HS6ST3: variants seen among roughly 807,000 people sequenced by gnomAD.
HS6ST3 encodes heparan-sulfate 6-O-sulfotransferase 3.
A neutral mutation model predicts 36.7 loss-of-function variants in HS6ST3; 12 were observed. That is an observed-to-expected ratio of 0.33 (90% CI 0.21 to 0.53). The LOEUF (loss-of-function observed/expected upper bound fraction) is 0.53, where lower values mean the gene tolerates loss of function less well. HS6ST3 is among the 20% of genes least tolerant of loss of function. HS6ST3 has a pLI of 0.95. For synonymous variants in HS6ST3, 240 were observed against 257.5 expected (o/e 0.93, Z 0.65); for missense variants, 584 against 640.9 (o/e 0.91, Z 0.96).
At chr13:96,527,985 A>G (rs964194555) in intron 1 of HS6ST3, among the ~76,000 whole-genome samples, 2 of 152,146 alleles carry the variant, frequency 1.3e-5, no homozygotes, top group South Asian at 2.1e-4. Flanking sequence ...TGTAGTCCCT[A>G]TATTCTCATT....
intron 1 of HS6ST3, among the ~76,000 whole-genome samples, chr13:96,620,965 G>C (rs2056492790): frequency 6.6e-6 from 1 of 152,154 alleles, no homozygotes; most frequent in Admixed American, 6.5e-5. Flanking sequence ...TGAAAATACA[G>C]CCAAGGAGCT....
chr13:96,236,861 G>C (rs1378759086), intron 1 of HS6ST3, among the ~76,000 whole-genome samples: 1 of 152,096 alleles, frequency 6.6e-6, no homozygotes, highest in Admixed American at 6.6e-5. Context: ...CTGTCAGCTG[G>C]TGTATTACTC....
intron 1 of HS6ST3, among the ~76,000 whole-genome samples, chr13:96,416,822 G>A (rs1391093957): frequency 1.3e-5 from 2 of 149,310 alleles, no homozygotes; most frequent in African/African-American, 2.5e-5. Context: ...GCACGATCTC[G>A]GCTCACTGCA....
Position 96,417,732 on chromosome 13 carries a change from TCACA to T in HS6ST3, c.707+326188_707+326191del, listed in dbSNP as rs1211935095. 1.3e-3 allele frequency among the ~76,000 whole-genome samples: 179 copies of T among 137,300 alleles called. 3 individuals are homozygous for T. Among genetic ancestry groups the T allele is most frequent in the East Asian group, 1.5e-3 (7 of 4,532 alleles). The allele number at this position is 137,300 out of a possible 152,430, so 90.1% of individuals were successfully genotyped here. On this transcript the variant is annotated intron_variant, in intron 1 of 1. Coordinates refer to ENST00000376705, the MANE Select transcript of HS6ST3 (RefSeq NM_153456.4). ...TACGTATCTGTATATATAGCTTATT[TCACA>T]CACACACACACACACACACACACAT...
intron 1 of HS6ST3, among the ~76,000 whole-genome samples, chr13:96,717,709 C>T (rs1312594830): frequency 6.6e-6 from 1 of 152,128 alleles, no homozygotes; most frequent in Non-Finnish European, 1.5e-5. Flanking sequence ...AATCAAATCT[C>T]AGAAATGAGA....
At chr13:96,638,212 C>T (rs2139004868) in intron 1 of HS6ST3, among the ~76,000 whole-genome samples, 1 of 152,122 alleles carries the variant, frequency 6.6e-6, no homozygotes, top group South Asian at 2.1e-4. Context: ...TATAATTCCA[C>T]ACTGTAAAAA....
At chr13:96,759,652 A>G (rs922568956) in intron 1 of HS6ST3, among the ~76,000 whole-genome samples, 1 of 151,968 alleles carries the variant, frequency 6.6e-6, no homozygotes, top group Non-Finnish European at 1.5e-5. Flanking sequence ...TAATTTATAA[A>G]TTATAAGTAT....
intron 1 of HS6ST3, among the ~76,000 whole-genome samples, chr13:96,170,246 A>C (rs1405085716): frequency 1.3e-5 from 2 of 152,232 alleles, no homozygotes; most frequent in African/African-American, 4.8e-5. Context: ...AATCTGCACC[A>C]CCAGGTGGGG....
intron 1 of HS6ST3, among the ~76,000 whole-genome samples, chr13:96,668,036 A>G (rs925627834): frequency 6.6e-6 from 1 of 152,188 alleles, no homozygotes; most frequent in African/African-American, 2.4e-5. Context: ...TGCCAAGCTC[A>G]GTTTTAAGTA....
chr13:96,744,759 G>A (rs1023320452), intron 1 of HS6ST3, among the ~76,000 whole-genome samples: 2 of 152,124 alleles, frequency 1.3e-5, no homozygotes, highest in Middle Eastern at 3.4e-3. Flanking sequence ...AGATGAAAGG[G>A]GAAATGTGAC....
intron 1 of HS6ST3, among the ~76,000 whole-genome samples, chr13:96,278,458 T>C (rs1468044704): frequency 6.6e-6 from 1 of 152,148 alleles, no homozygotes; most frequent in Non-Finnish European, 1.5e-5. Context: ...TGATTGGCAC[T>C]CGGTAAGTGG....
Position 96,836,666 on chromosome 13 carries a change from T to C in HS6ST3, c.*3468T>C, listed in dbSNP as rs1332899494. ...AAAATCTGAGTAGAGATAGTACTAATATTGGCAAGAAGGTCCCCAGGATAG... is the reference window on the plus strand; with the variant it reads ...AAAATCTGAGTAGAGATAGTACTAACATTGGCAAGAAGGTCCCCAGGATAG... On this transcript the variant is annotated 3_prime_UTR_variant, in exon 2 of 2. Transcript: ENST00000376705. 6.6e-6 allele frequency: 1 copy of C among 152,170 alleles called. No individual in the cohort carries two copies. The highest frequency in any genetic ancestry group is 6.5e-5 in the Admixed American group (1 of 15,286). The allele number at this position is 152,170 out of a possible 1,614,324, so 9.4% of individuals were successfully genotyped here. A position where few individuals can be genotyped will look rare whatever the true frequency, so the allele number is the denominator to read the frequency against.
chr13:96,119,634 G>C (rs878973872), intron 1 of HS6ST3, among the ~76,000 whole-genome samples: 8 of 152,186 alleles, frequency 5.3e-5, no homozygotes, highest in Admixed American at 2.6e-4. Context: ...AATTTGCATC[G>C]GATCTATCCC....
chr13:96,520,666 G>C (rs2051788530), intron 1 of HS6ST3, among the ~76,000 whole-genome samples: 1 of 152,082 alleles, frequency 6.6e-6, no homozygotes, highest in Non-Finnish European at 1.5e-5. Context: ...TTGGTGTATA[G>C]GAATGCTTGT....
At chr13:96,224,592 G>C (rs1021825286) in intron 1 of HS6ST3, among the ~76,000 whole-genome samples, 2 of 152,200 alleles carry the variant, frequency 1.3e-5, no homozygotes, top group Admixed American at 6.5e-5. Context: ...TAGGATTATA[G>C]GCGTGAGCCA....
chr13:96,142,306 A>AT (rs1412912845), intron 1 of HS6ST3, among the ~76,000 whole-genome samples: 1 of 152,142 alleles, frequency 6.6e-6, no homozygotes, highest in Non-Finnish European at 1.5e-5. Flanking sequence ...GTAATTGTAC[A>AT]TTTTTTCTCA....
intron 1 of HS6ST3, among the ~76,000 whole-genome samples, chr13:96,820,457 G>T (rs1444533436): frequency 2.0e-5 from 3 of 152,138 alleles, no homozygotes; most frequent in South Asian, 4.2e-4. Flanking sequence ...TAATCATGGA[G>T]AAGGGAGAAC....
intron 1 of HS6ST3, among the ~76,000 whole-genome samples, chr13:96,388,629 A>G (rs1402693305): frequency 1.3e-5 from 2 of 152,280 alleles, no homozygotes; most frequent in African/African-American, 2.4e-5. Context: ...CCTACCTGAT[A>G]TGGTTTGGCT....
chr13:96,816,045 C>T (rs560489301), intron 1 of HS6ST3, among the ~76,000 whole-genome samples: 2 of 152,220 alleles, frequency 1.3e-5, no homozygotes, highest in East Asian at 3.9e-4. Context: ...AATTTAAATC[C>T]CCAGATCGTG....
Sources: gnomAD v4.1 joint callset for allele counts (sites outside exome capture counted in the v4.1 genomes callset) on GRCh38, gnomAD v4.1.1 for gene constraint, MANE v1.5 for transcripts, NCBI Gene and HGNC (gene_info 2026-07-23, HGNC 2026-07-21) for gene names.